The following SLC8A1 variants were observed in gnomAD, a reference collection of about 807,000 sequenced individuals.
SLC8A1 encodes the protein sodium/calcium exchanger 1.
In SLC8A1, 18 loss-of-function variants were observed where a neutral mutation model predicts 68.3. The observed-to-expected ratio is 0.26, with a 90% CI of 0.18 to 0.39. The LOEUF (loss-of-function observed/expected upper bound fraction) is 0.39. Among genes scored for constraint, SLC8A1 ranks in the 10% least tolerant of loss-of-function variants. The pLI is 1.00. For missense variants in SLC8A1, 985 were observed against 1,156.7 expected (o/e 0.85, Z 2.15); for synonymous variants, 475 against 415.5 (o/e 1.14, Z -1.74).
chr2:40,137,756 G>C (rs1049229785), intron 7 of SLC8A1, among the ~76,000 whole-genome samples: 1 of 152,052 alleles, frequency 6.6e-6, no homozygotes, highest in Non-Finnish European at 1.5e-5. Context: ...TGTAAGGATC[G>C]ATGGTCAACT....
intron 2 of SLC8A1, among the ~76,000 whole-genome samples, chr2:40,345,085 A>G (rs901390813): frequency 1.3e-5 from 2 of 152,170 alleles, no homozygotes; most frequent in African/African-American, 2.4e-5. Context: ...TTGGAATGCC[A>G]AGAGTCTTCA....
chr2:40,204,067 C>T (rs2054913906), intron 2 of SLC8A1, among the ~76,000 whole-genome samples: 1 of 151,906 alleles, frequency 6.6e-6, no homozygotes, highest in Non-Finnish European at 1.5e-5. Flanking sequence ...GGAAGAAAAA[C>T]ATGTAGAAAG....
At chr2:40,123,979 C>A (rs1041808941) in intron 7 of SLC8A1, among the ~76,000 whole-genome samples, 4 of 152,182 alleles carry the variant, frequency 2.6e-5, no homozygotes, top group Admixed American at 6.5e-5. Flanking sequence ...ATCCTCTTTG[C>A]ATTTGAAGCC....
intron 2 of SLC8A1, among the ~76,000 whole-genome samples, chr2:40,368,316 G>A (rs1676914888): frequency 6.6e-6 from 1 of 151,862 alleles, no homozygotes; most frequent in African/African-American, 2.4e-5. Flanking sequence ...CAACGCTTTT[G>A]CAAAAATTAA....
intron 7 of SLC8A1, among the ~76,000 whole-genome samples, chr2:40,131,658 A>G (rs1180343388): frequency 6.6e-6 from 1 of 152,202 alleles, no homozygotes; most frequent in Non-Finnish European, 1.5e-5. Context: ...TGTAATTTCC[A>G]AAGCTGCCAG....
At chr2:40,435,009 T>C (rs570030334) in intron 1 of SLC8A1, among the ~76,000 whole-genome samples, 3 of 152,282 alleles carry the variant, frequency 2.0e-5, no homozygotes, top group African/African-American at 4.8e-5. Flanking sequence ...CTGGAAGCTA[T>C]AGCCAGTTTT....
chr2:40,202,086 A>C (rs980856946), intron 2 of SLC8A1, among the ~76,000 whole-genome samples: 6 of 151,988 alleles, frequency 3.9e-5, no homozygotes, highest in African/African-American at 1.2e-4. Flanking sequence ...CTATCCTTAG[A>C]GGATGTGTTT....
intron 2 of SLC8A1, among the ~76,000 whole-genome samples, chr2:40,255,603 T>G (rs566559113): frequency 6.6e-6 from 1 of 152,180 alleles, no homozygotes; most frequent in Non-Finnish European, 1.5e-5. Context: ...GGAGTTTATT[T>G]TTCTTATTTG....
chr2:40,492,822 A>G (rs1297061155), intron 1 of SLC8A1, among the ~76,000 whole-genome samples: 156 of 148,458 alleles, frequency 1.1e-3, no homozygotes, highest in African/African-American at 3.5e-3. Context: ...TTAGAATGGC[A>G]ATCATTAAAA....
rs79809966 is a variant in SLC8A1, at chr2:40,166,758, C to T, written c.1931-1774G>A. On this transcript the variant is annotated intron_variant, in intron 4 of 7. Transcript: ENST00000406785. ...TTACCACTGCTTTGTGATCCTTGAA[C>T]CCAGGATAATGTTATTAGTAGTTTT... Among the ~76,000 whole-genome samples, 187 of 152,240 alleles carry T rather than the reference C, an allele frequency of 1.2e-3. 1 individual carries two copies. In the East Asian group the frequency reaches 0.032, roughly 26 times the overall value.
At chr2:40,344,970 C>A (rs773671400) in intron 2 of SLC8A1, among the ~76,000 whole-genome samples, 1 of 151,872 alleles carries the variant, frequency 6.6e-6, no homozygotes, top group Non-Finnish European at 1.5e-5. Context: ...TTCTAGAGGA[C>A]TCTGGGAATC....
chr2:40,301,061 G>A (rs1200256942), intron 2 of SLC8A1, among the ~76,000 whole-genome samples: 1 of 152,132 alleles, frequency 6.6e-6, no homozygotes, highest in African/African-American at 2.4e-5. Flanking sequence ...GTTCAAGGAA[G>A]TTCAGAGGGC....
At chr2:40,104,760 A>G (rs1174890081) in exon 8 of SLC8A1, 2 of 152,216 alleles carry the variant, frequency 1.3e-5, no homozygotes, top group Non-Finnish European at 2.9e-5. Flanking sequence ...CTGAAGAAAT[A>G]TAAAAGGCTC....
chr2:40,222,335 G>A (rs1347648276), intron 2 of SLC8A1, among the ~76,000 whole-genome samples: 2 of 152,174 alleles, frequency 1.3e-5, no homozygotes, highest in Non-Finnish European at 2.9e-5. Flanking sequence ...GCAGAAAACT[G>A]AAACTGGACC....
chr2:40,414,180 T>A (rs1352280419), intron 2 of SLC8A1, among the ~76,000 whole-genome samples: 1 of 152,132 alleles, frequency 6.6e-6, no homozygotes, highest in Non-Finnish European at 1.5e-5. Flanking sequence ...ATGAGTGAAA[T>A]TGTATTATTT....
intron 1 of SLC8A1, among the ~76,000 whole-genome samples, chr2:40,472,296 G>A (rs1016340189): frequency 3.3e-5 from 5 of 152,178 alleles, no homozygotes; most frequent in African/African-American, 1.2e-4. Flanking sequence ...TCGTAAAATT[G>A]CCCCTTTTAT....
At chr2:40,137,177 T>C (rs561983554) in intron 7 of SLC8A1, among the ~76,000 whole-genome samples, 4 of 152,190 alleles carry the variant, frequency 2.6e-5, no homozygotes, top group Non-Finnish European at 5.9e-5. Context: ...GCTGCCACAA[T>C]TTTCAAGAGT....
chr2:40,427,885 C>G (rs1027093782), intron 2 of SLC8A1, among the ~76,000 whole-genome samples: 3 of 152,126 alleles, frequency 2.0e-5, no homozygotes, highest in African/African-American at 7.2e-5. Context: ...TGGCATAACA[C>G]TGAAGAAGCA....
At chr2:40,219,095 G>C (rs943361933) in intron 2 of SLC8A1, among the ~76,000 whole-genome samples, 1 of 151,864 alleles carries the variant, frequency 6.6e-6, no homozygotes, top group Non-Finnish European at 1.5e-5. Flanking sequence ...AAGCAGGGAA[G>C]ACTACATGTA....
Sources: allele counts gnomAD v4.1 joint callset (sites outside exome capture counted in the v4.1 genomes callset), GRCh38; gene constraint gnomAD v4.1.1; transcripts MANE v1.5; gene names NCBI Gene and HGNC (gene_info 2026-07-23, HGNC 2026-07-21).